GRIA2: variants seen among roughly 807,000 people sequenced by gnomAD.
GRIA2 encodes glutamate receptor 2.
In GRIA2, 14 loss-of-function variants were observed where a neutral mutation model predicts 97.3. That is an observed-to-expected ratio of 0.14 (90% CI 0.10 to 0.23). The LOEUF is 0.23. GRIA2 is among the 10% of genes least tolerant of loss of function. The probability of loss-of-function intolerance (pLI) is 1.00; values close to 1 mark genes in which losing one functional copy is unlikely to be tolerated. For synonymous variants in GRIA2, 412 were observed against 387.8 expected (o/e 1.06, Z -0.73); for missense variants, 558 against 1,069.8 (o/e 0.52, Z 6.67).
chr4:157,260,946 A>G (rs936094671), intron 2 of GRIA2, among the ~76,000 whole-genome samples: 1 of 151,386 alleles, frequency 6.6e-6, no homozygotes, highest in Non-Finnish European at 1.5e-5. Context: ...TTGGCCTTTC[A>G]TTTAGCTCTG....
intron 12 of GRIA2, among the ~76,000 whole-genome samples, chr4:157,346,058 C>T (rs1735750951): frequency 6.6e-6 from 1 of 152,004 alleles, no homozygotes; most frequent in South Asian, 2.1e-4. Flanking sequence ...TGAAATTTTC[C>T]ATATGCATAC....
chr4:157,342,418 T>G, intron 12 of GRIA2: 1 of 983,906 alleles, frequency 1.0e-6, no homozygotes. Context: ...CCATGGCTAA[T>G]AACAGATAGT....
chr4:157,226,723 T>G (rs1729764069), intron 2 of GRIA2, among the ~76,000 whole-genome samples: 1 of 152,096 alleles, frequency 6.6e-6, no homozygotes, highest in Non-Finnish European at 1.5e-5. Context: ...TACGCGATCC[T>G]GTTTTGTCAT....
chr4:157,237,738 T>C (rs1200088918), intron 2 of GRIA2, among the ~76,000 whole-genome samples: 1 of 152,180 alleles, frequency 6.6e-6, no homozygotes, highest in Non-Finnish European at 1.5e-5. Context: ...TATCATAAAT[T>C]GTGCTTTTGT....
chr4:157,251,297 T>C (rs1214787572), intron 2 of GRIA2, among the ~76,000 whole-genome samples: 2 of 152,038 alleles, frequency 1.3e-5, no homozygotes, highest in Non-Finnish European at 2.9e-5. Flanking sequence ...ATAAATACAC[T>C]TTAACAAATA....
intron 2 of GRIA2, among the ~76,000 whole-genome samples, chr4:157,301,071 C>T (rs1334416418): frequency 6.6e-6 from 1 of 152,092 alleles, no homozygotes; most frequent in African/African-American, 2.4e-5. Flanking sequence ...CCTATAGTAC[C>T]TAGATGACAT....
At chr4:157,351,426 A>G (rs114597420) in intron 12 of GRIA2, among the ~76,000 whole-genome samples, 1,684 of 152,326 alleles carry the variant, frequency 0.011, 16 homozygotes, top group Non-Finnish European at 0.017. Flanking sequence ...TAGTTAATAC[A>G]TAAGGTATAA....
At chr4:157,225,255 A>G (rs1176290311) in intron 2 of GRIA2, among the ~76,000 whole-genome samples, 1 of 151,932 alleles carries the variant, frequency 6.6e-6, no homozygotes, top group Non-Finnish European at 1.5e-5. Context: ...GAAAGTACCT[A>G]TTTTGTTCCA....
At chr4:157,304,500 C>T (rs1733752657) in intron 3 of GRIA2, among the ~76,000 whole-genome samples, 1 of 152,026 alleles carries the variant, frequency 6.6e-6, no homozygotes, top group Non-Finnish European at 1.5e-5. Context: ...TCATAGAATC[C>T]CAGGTGTTTT....
In GRIA2 at chr4:157,363,026, C is replaced by T. The variant is rs1736704814; in HGVS notation, c.2634C>T (p.Ile878=). 6 of 1,611,504 alleles carry T rather than the reference C, an allele frequency of 3.7e-6. No homozygotes were observed. The highest frequency in any genetic ancestry group is 4.2e-6 in the Non-Finnish European group (5 of 1,178,398). The change falls in exon 15 of 16, where the codon ATC becomes ATT. Residue 878 remains isoleucine, a synonymous_variant. Transcript: ENST00000264426. ...AGGAAGGTTACAACGTATATGGCAT[C>T]GAAAGTGTTAAAATTTAGGGGGTAG... is the stretch of plus-strand genomic sequence containing the variant. ...TYKEGYNVYG[I]ESVKI
rs1729484430 is a variant in GRIA2 at position 157,221,371 on chromosome 4, C to T, written c.88+241C>T. The T allele has an allele frequency of 1.4e-5, 8 of 563,428 alleles. 1 individual carries two copies. In the South Asian group the frequency reaches 2.0e-4, roughly 14 times the overall value. The allele number at this position is 563,428 out of a possible 1,614,324, so 34.9% of individuals were successfully genotyped here. On this transcript the variant is annotated intron_variant, in intron 1 of 15. Coordinates refer to ENST00000264426, the MANE Select transcript of GRIA2 (RefSeq NM_001083619.3). ...GATCCCCAAATTTTATTAATTCTGC[C>T]TTAGCGACATTTTCCAGTTTGCTCA...
chr4:157,288,667 A>G (rs1732955973), intron 2 of GRIA2, among the ~76,000 whole-genome samples: 1 of 151,760 alleles, frequency 6.6e-6, no homozygotes, highest in Admixed American at 6.6e-5. Context: ...TTTAAAAAGA[A>G]CTACAGAAGA....
Position 157,344,546 on chromosome 4 carries a change from T to C in GRIA2, c.2043+3084T>C, listed in dbSNP as rs539502259. Among the ~76,000 whole-genome samples, 12 of 152,226 alleles carry C rather than the reference T, an allele frequency of 7.9e-5. No individual in the cohort carries two copies. The South Asian group carries it at 2.5e-3, about 31-fold the overall frequency. ...GCTTACTTTTGGAGCCAAGACCTAG[T>C]AAAATAGCAGATTACACATGCAATA... On this transcript the variant is annotated intron_variant, in intron 12 of 15. Coordinates refer to ENST00000264426, the MANE Select transcript of GRIA2 (RefSeq NM_001083619.3).
In GRIA2 at chr4:157,334,048, C is replaced by A; in HGVS notation, c.1194C>A (p.Thr398=). Residue 398 remains threonine (T), a synonymous_variant, in exon 9 of 16, where the codon ACC becomes ACA. Transcript: ENST00000264426. ...YWSEVDKMVV[T]LTELPSGNDT... is the part of the protein sequence containing the mutation. ...GTGAAGTGGACAAAATGGTTGTTAC[C>A]CTTACTGAGCTCCCTTCTGGAAATG... 6.2e-7 allele frequency: 1 copy of A among 1,609,486 alleles called. No homozygotes were observed. The highest frequency in any genetic ancestry group is 8.5e-7 in the Non-Finnish European group (1 of 1,176,338).
intron 2 of GRIA2, among the ~76,000 whole-genome samples, chr4:157,267,968 T>G (rs2126783465): frequency 6.6e-6 from 1 of 152,184 alleles, no homozygotes; most frequent in South Asian, 2.1e-4. Flanking sequence ...CAAGAACTTA[T>G]CCAACAAATT....
chr4:157,324,485 G>T (rs895191119), intron 6 of GRIA2, among the ~76,000 whole-genome samples: 1 of 152,180 alleles, frequency 6.6e-6, no homozygotes, highest in African/African-American at 2.4e-5. Flanking sequence ...GACAATGTTT[G>T]GAGGGAAGGT....
chr4:157,317,665 C>T lies in GRIA2; in HGVS notation c.674C>T (p.Thr225Ile). ...KVNDIVDQVI[T>I]IGKHVKGYHY... Reference sequence around the variant, plus strand: ...CTTATTTGTGCTTATTAGGTTATTACCATTGGAAAACATGTTAAAGGGTAC... The same window carrying T: ...CTTATTTGTGCTTATTAGGTTATTATCATTGGAAAACATGTTAAAGGGTAC... Residue 225 changes from threonine to isoleucine, a missense_variant, in exon 5 of 16, where the codon ACC becomes ATC. By Grantham distance (89) the Thr-to-Ile change is moderately conservative (BLOSUM62 -1). This residue lies in a region of GRIA2 where 173 missense variants were observed against 209.1 expected (regional missense o/e 0.83). Coordinates refer to ENST00000264426, the MANE Select transcript of GRIA2 (RefSeq NM_001083619.3). 1 of 1,148,442 alleles carries T rather than the reference C, an allele frequency of 8.7e-7. No homozygotes were observed. Among genetic ancestry groups the T allele is most frequent in the East Asian group, 2.4e-5 (1 of 41,418 alleles). The allele number at this position is 1,148,442 out of a possible 1,614,324, so 71.1% of individuals were successfully genotyped here.
intron 2 of GRIA2, among the ~76,000 whole-genome samples, chr4:157,266,636 A>G (rs1451568365): frequency 6.6e-6 from 1 of 152,046 alleles, no homozygotes; most frequent in Admixed American, 6.6e-5. Flanking sequence ...AAGTGAGCAA[A>G]TGGGGATCAG....
intron 4 of GRIA2, among the ~76,000 whole-genome samples, chr4:157,316,253 C>A (rs116149828): frequency 0.025 from 3,734 of 152,228 alleles, 67 homozygotes; most frequent in Non-Finnish European, 0.04. Context: ...AGAAGGACAT[C>A]TTTTCTTCAG....
Sources: gnomAD v4.1 joint callset for allele counts (sites outside exome capture counted in the v4.1 genomes callset) on GRCh38, gnomAD v4.1.1 for gene constraint, gnomAD v4.1.1 regional missense constraint, MANE v1.5 for transcripts, NCBI Gene and HGNC (gene_info 2026-07-23, HGNC 2026-07-21) for gene names.